Variants in DOK5 observed in about 807,000 individuals in gnomAD.
The protein encoded by DOK5 is downstream of tyrosine kinase 5.
Under a neutral mutation model 43.3 loss-of-function variants are expected in DOK5, and 27 were observed. The observed-to-expected ratio is 0.62, with a 90% confidence interval of 0.46 to 0.86. The LOEUF (loss-of-function observed/expected upper bound fraction) is 0.86. DOK5 is among the 40% of genes least tolerant of loss of function. The pLI, the probability that DOK5 is intolerant of heterozygous loss-of-function variation, is 0.00. For synonymous variants in DOK5, 146 were observed against 140.1 expected (o/e 1.04, Z -0.30); for missense variants, 373 against 392.9 (o/e 0.95, Z 0.43).
At chr20:54,556,377 G>A (rs1051291238) in intron 2 of DOK5, among the ~76,000 whole-genome samples, 4 of 152,164 alleles carry the variant, frequency 2.6e-5, no homozygotes, top group African/African-American at 9.7e-5. Flanking sequence ...TCAGGGAGGA[G>A]TTGTTGAATT....
At chr20:54,483,040 T>C (rs960203255) in intron 1 of DOK5, among the ~76,000 whole-genome samples, 1 of 152,228 alleles carries the variant, frequency 6.6e-6, no homozygotes, top group African/African-American at 2.4e-5. Context: ...ATGGTTTCCA[T>C]GTCAGAAGGG....
intron 1 of DOK5, among the ~76,000 whole-genome samples, chr20:54,503,660 C>A (rs1395491704): frequency 6.6e-6 from 1 of 152,044 alleles, no homozygotes; most frequent in Non-Finnish European, 1.5e-5. Flanking sequence ...TGAGTAGAAG[C>A]TGCATAAATT....
rs201386986 is a variant in DOK5 at position 54,584,747 on chromosome 20, ATG to A, written c.175-3726_175-3725del. On this transcript the variant is annotated intron_variant, in intron 2 of 7. Transcript: ENST00000262593. ...TGTGTATATATATATACACTATAAT[ATG>A]TGTGTGTGTATATATATCTAGATAT... is the stretch of plus-strand genomic sequence containing the variant. Among the ~76,000 whole-genome samples, 634 of 147,200 alleles carry A rather than the reference ATG, an allele frequency of 4.3e-3. 3 individuals are homozygous for A. Among genetic ancestry groups the A allele is most frequent in the African/African-American group, 0.016 (617 of 38,524 alleles).
intron 1 of DOK5, among the ~76,000 whole-genome samples, chr20:54,531,535 G>T (rs1983770497): frequency 6.6e-6 from 1 of 152,138 alleles, no homozygotes; most frequent in Non-Finnish European, 1.5e-5. Flanking sequence ...GCTTCTTTTT[G>T]TCTTTGGATA....
In DOK5 at chr20:54,524,999, C is replaced by T. The variant is rs559138011; in HGVS notation, c.67-29934C>T. On this transcript the variant is annotated intron_variant, in intron 1 of 7. Coordinates refer to ENST00000262593, the MANE Select transcript of DOK5 (RefSeq NM_018431.5). ...AACATTATTTGAGGGTGTTCCCAAG[C>T]GGGTGATGGTCACTGTCCAGTGGGA... Among the ~76,000 whole-genome samples the T allele has an allele frequency of 2.4e-4, 37 of 152,280 alleles. No homozygotes were observed. The South Asian group carries it at 6.8e-3, about 28-fold the overall frequency.
chr20:54,559,302 GATTTAGGTAGCCTGAGTTCTA>G (rs1984821585), intron 2 of DOK5, among the ~76,000 whole-genome samples: 1 of 152,304 alleles, frequency 6.6e-6, no homozygotes, highest in South Asian at 2.1e-4. Context: ...GCCGGTCCTG[GATTTAGGTAGCCTGAGTTCTA>G]ATCCCAGCTT....
At chr20:54,638,334 C>T (rs1483889960) in intron 6 of DOK5, among the ~76,000 whole-genome samples, 1 of 151,992 alleles carries the variant, frequency 6.6e-6, no homozygotes, top group Non-Finnish European at 1.5e-5. Context: ...AATTTAACCA[C>T]ATAAGTAATG....
chr20:54,586,680 G>A (rs1048213765), intron 2 of DOK5, among the ~76,000 whole-genome samples: 3 of 152,190 alleles, frequency 2.0e-5, no homozygotes, highest in African/African-American at 7.2e-5. Context: ...GACTGACTAG[G>A]TGTTAGGATG....
intron 6 of DOK5, among the ~76,000 whole-genome samples, chr20:54,613,827 C>G (rs1048391726): frequency 6.6e-6 from 1 of 152,028 alleles, no homozygotes. Context: ...GATCTGGTCT[C>G]TACAAAAAAT....
chr20:54,580,271 C>T (rs1281082637), intron 2 of DOK5, among the ~76,000 whole-genome samples: 1 of 152,010 alleles, frequency 6.6e-6, no homozygotes, highest in Non-Finnish European at 1.5e-5. Context: ...AGGTTATTTC[C>T]CTGTTTTGAC....
chr20:54,646,412 C>T (rs1482165932), intron 7 of DOK5, among the ~76,000 whole-genome samples: 1 of 151,944 alleles, frequency 6.6e-6, no homozygotes, highest in Non-Finnish European at 1.5e-5. Context: ...TGCCACCAAG[C>T]CCAGCTAATT....
intron 2 of DOK5, among the ~76,000 whole-genome samples, chr20:54,585,463 A>T (rs1985773620): frequency 6.6e-6 from 1 of 152,184 alleles, no homozygotes; most frequent in Admixed American, 6.5e-5. Context: ...TTTCAAAGTC[A>T]TTGCTGTGTT....
At chr20:54,522,880 C>A (rs781567499) in intron 1 of DOK5, among the ~76,000 whole-genome samples, 1 of 152,114 alleles carries the variant, frequency 6.6e-6, no homozygotes, top group East Asian at 1.9e-4. Context: ...TGTTTTACTT[C>A]TTTTTCTTGG....
chr20:54,577,252 A>G (rs914422373), intron 2 of DOK5, among the ~76,000 whole-genome samples: 3 of 152,208 alleles, frequency 2.0e-5, no homozygotes, highest in African/African-American at 7.2e-5. Context: ...AGAATTTAGT[A>G]TCACTTTAAA....
At chr20:54,634,825 A>C (rs1691653866) in intron 6 of DOK5, among the ~76,000 whole-genome samples, 2 of 151,770 alleles carry the variant, frequency 1.3e-5, no homozygotes, top group Non-Finnish European at 1.5e-5. Flanking sequence ...TACCATATAC[A>C]TGTACCCTTT....
intron 1 of DOK5, among the ~76,000 whole-genome samples, chr20:54,528,141 A>G (rs1983640667): frequency 6.6e-6 from 1 of 152,176 alleles, no homozygotes; most frequent in Middle Eastern, 3.2e-3. Context: ...CTGTGGGGCG[A>G]GGTTGCAGTG....
chr20:54,553,896 CAA>C (rs761243905), intron 1 of DOK5, among the ~76,000 whole-genome samples: 228 of 80,130 alleles, frequency 2.8e-3, no homozygotes, highest in African/African-American at 7.9e-3. Flanking sequence ...GACTCTGTCT[CAA>C]AAAAAAAAAA....
At chr20:54,488,882 A>G (rs1982053191) in intron 1 of DOK5, among the ~76,000 whole-genome samples, 1 of 151,316 alleles carries the variant, frequency 6.6e-6, no homozygotes, top group Non-Finnish European at 1.5e-5. Flanking sequence ...AATTATTTAC[A>G]TCTGACAGTA....
intron 1 of DOK5, among the ~76,000 whole-genome samples, chr20:54,498,627 G>A (rs1982483996): frequency 6.6e-6 from 1 of 152,220 alleles, no homozygotes; most frequent in Admixed American, 6.5e-5. Context: ...CACACTGCAA[G>A]TGTTGGTGTT....
Sources: allele counts gnomAD v4.1 joint callset (sites outside exome capture counted in the v4.1 genomes callset), GRCh38; gene constraint gnomAD v4.1.1; transcripts MANE v1.5; gene names NCBI Gene and HGNC (gene_info 2026-07-23, HGNC 2026-07-21).